The following RYR3 variants were observed in gnomAD, a reference collection of about 807,000 sequenced individuals.
RYR3 encodes ryanodine receptor 3, also known as brain ryanodine receptor-calcium release channel.
Under a neutral mutation model 584.3 loss-of-function variants are expected in RYR3, and 207 were observed. The observed-to-expected ratio is 0.35, with a 90% CI of 0.32 to 0.40. The LOEUF (loss-of-function observed/expected upper bound fraction) is 0.40. Ranked by LOEUF, RYR3 falls within the 10% of genes least tolerant of loss-of-function variation. The pLI is 1.00. For synonymous variants in RYR3, 2,416 were observed against 2,248.5 expected (o/e 1.07, Z -2.11); for missense variants, 5,616 against 6,089.2 (o/e 0.92, Z 2.59).
chr15:33,638,393 G>A (rs2061617358), intron 27 of RYR3, among the ~76,000 whole-genome samples: 1 of 152,204 alleles, frequency 6.6e-6, no homozygotes, highest in African/African-American at 2.4e-5. Context: ...GTCATTCTCT[G>A]GGGTAGAAAG....
In RYR3 at chr15:33,346,271, G is replaced by A. The variant is rs79072718; in HGVS notation, c.51+35175G>A. On this transcript the variant is annotated intron_variant, in intron 1 of 103. Coordinates refer to ENST00000634891, the MANE Select transcript of RYR3 (RefSeq NM_001036.6). ...CTGAGAGGGAGTTGGTCACAAAAATGTATTGAACGAAAATAGATTGTAATT... is the reference window on the plus strand; with the variant it reads ...CTGAGAGGGAGTTGGTCACAAAAATATATTGAACGAAAATAGATTGTAATT... Among the ~76,000 whole-genome samples, 1,128 of 152,290 alleles carry A rather than the reference G, an allele frequency of 7.4e-3. 14 individuals are homozygous for A. Among genetic ancestry groups the A allele is most frequent in the African/African-American group, 0.026 (1,077 of 41,556 alleles).
intron 8 of RYR3, 21 bp from the exon 9 acceptor site, chr15:33,548,109 G>A (rs765366307): frequency 6.3e-7 from 1 of 1,591,464 alleles, no homozygotes; most frequent in African/African-American, 1.3e-5. Context: ...AGTAGGAGCT[G>A]ATCTCCAACT....
chr15:33,452,271 A>G (rs1186791744), intron 1 of RYR3, among the ~76,000 whole-genome samples: 1 of 152,180 alleles, frequency 6.6e-6, no homozygotes, highest in Non-Finnish European at 1.5e-5. Context: ...GAAACAAGAT[A>G]TTTCTTTTTA....
chr15:33,748,191 C>G lies in RYR3; in HGVS notation c.8067C>G (p.Thr2689=), dbSNP rs757734841. 2.0e-5 allele frequency: 32 copies of G among 1,613,714 alleles called. No individual in the cohort carries two copies. The highest frequency in any genetic ancestry group is 2.7e-5 in the Non-Finnish European group (32 of 1,179,836). ...MLAVGWTVER[T]KEGEALVQQR... ...CTGTGGGCTGGACTGTGGAGAGGAC[C>G]AAAGAGGGAGAAGCTTTGGTTCAAC... The change falls in exon 54 of 104, where the codon ACC becomes ACG. Residue 2689 remains threonine (T), a synonymous_variant. Coordinates refer to ENST00000634891, the MANE Select transcript of RYR3 (RefSeq NM_001036.6).
intron 40 of RYR3, among the ~76,000 whole-genome samples, chr15:33,699,464 A>G (rs759756013): frequency 6.6e-6 from 1 of 152,052 alleles, no homozygotes; most frequent in Non-Finnish European, 1.5e-5. Context: ...GTAGAAGGTC[A>G]TGCAATTTCA....
At chr15:33,669,851 G>T (rs1312832930) in intron 37 of RYR3, among the ~76,000 whole-genome samples, 3 of 47,046 alleles carry the variant, frequency 6.4e-5, no homozygotes, top group African/African-American at 1.8e-4. Context: ...TGTGGGGGGG[G>T]GGGGGGGTGT....
At chr15:33,817,183 G>A (rs1344395960) in intron 75 of RYR3, among the ~76,000 whole-genome samples, 4 of 152,116 alleles carry the variant, frequency 2.6e-5, no homozygotes, top group African/African-American at 4.8e-5. Context: ...CCTCATTGTC[G>A]CTGTTAACAA....
intron 2 of RYR3, among the ~76,000 whole-genome samples, chr15:33,483,077 T>C (rs2142369081): frequency 6.6e-6 from 1 of 152,274 alleles, no homozygotes; most frequent in East Asian, 1.9e-4. Flanking sequence ...CTAATGAATT[T>C]ATTTCAGGCT....
intron 12 of RYR3, among the ~76,000 whole-genome samples, chr15:33,578,774 A>AAAC (rs1555536817): frequency 7.1e-6 from 1 of 140,044 alleles, no homozygotes; most frequent in African/African-American, 3.1e-5. Flanking sequence ...ATAAAAAAAA[A>AAAC]AAAACAACAA....
chr15:33,756,767 G>T (rs1424901290), intron 59 of RYR3, among the ~76,000 whole-genome samples: 1 of 152,054 alleles, frequency 6.6e-6, no homozygotes, highest in Non-Finnish European at 1.5e-5. Flanking sequence ...CTGACCCCAG[G>T]CAGTATGTCT....
intron 3 of RYR3, among the ~76,000 whole-genome samples, chr15:33,523,553 A>C (rs1018139164): frequency 6.6e-6 from 1 of 152,094 alleles, no homozygotes; most frequent in Non-Finnish European, 1.5e-5. Flanking sequence ...CGGACACACT[A>C]TCTGTCCACC....
At chr15:33,681,613 A>T (rs1266685009) in intron 38 of RYR3, among the ~76,000 whole-genome samples, 1 of 152,228 alleles carries the variant, frequency 6.6e-6, no homozygotes, top group African/African-American at 2.4e-5. Flanking sequence ...CCACCTGTTC[A>T]TGCCTCCAGA....
At chr15:33,773,435 T>C (rs1034795505) in intron 63 of RYR3, 99 bp from the exon 64 acceptor site, 1 of 805,874 alleles carries the variant, frequency 1.2e-6, no homozygotes, top group Non-Finnish European at 2.1e-6. Context: ...AGAGATCTTT[T>C]ACTCTTTACT....
At chr15:33,637,186 A>G (rs1335326142) in intron 27 of RYR3, among the ~76,000 whole-genome samples, 1 of 152,222 alleles carries the variant, frequency 6.6e-6, no homozygotes, top group African/African-American at 2.4e-5. Flanking sequence ...CATTATGTAC[A>G]CAAGACTGTT....
At chr15:33,368,028 G>A (rs1347292200) in intron 1 of RYR3, among the ~76,000 whole-genome samples, 2 of 152,178 alleles carry the variant, frequency 1.3e-5, no homozygotes, top group African/African-American at 2.4e-5. Context: ...AGGAAGGGGG[G>A]AAGCTGGAAG....
chr15:33,784,068 G>C (rs2074556100), intron 65 of RYR3, among the ~76,000 whole-genome samples: 1 of 152,198 alleles, frequency 6.6e-6, no homozygotes, highest in Non-Finnish European at 1.5e-5. Flanking sequence ...CTACGGAAAG[G>C]CTAATAGTGC....
At chr15:33,488,593 C>T (rs1384042951) in intron 2 of RYR3, among the ~76,000 whole-genome samples, 1 of 152,080 alleles carries the variant, frequency 6.6e-6, no homozygotes, top group Admixed American at 6.6e-5. Flanking sequence ...GTGGCTGATG[C>T]CTGTAATCCC....
At chr15:33,863,589 C>G (rs552402429) in intron 102 of RYR3, among the ~76,000 whole-genome samples, 5 of 152,276 alleles carry the variant, frequency 3.3e-5, no homozygotes, top group South Asian at 4.1e-4. Context: ...CAGACAAACT[C>G]AAACCTAAGA....
intron 10 of RYR3, among the ~76,000 whole-genome samples, chr15:33,556,573 T>A (rs560127408): frequency 1.8e-3 from 276 of 152,328 alleles, no homozygotes; most frequent in Non-Finnish European, 3.2e-3. Flanking sequence ...CTTTGACTCT[T>A]AGAAGAAGAT....
Sources: gnomAD v4.1 joint callset for allele counts (sites outside exome capture counted in the v4.1 genomes callset) on GRCh38, gnomAD v4.1.1 for gene constraint, MANE v1.5 for transcripts, NCBI Gene and HGNC (gene_info 2026-07-23, HGNC 2026-07-21) for gene names.